Variants in SETD2 observed in about 807,000 individuals in gnomAD.
The protein encoded by SETD2 is histone-lysine N-methyltransferase SETD2.
A neutral mutation model predicts 242.1 loss-of-function variants in SETD2; 31 were observed. That is an observed-to-expected ratio of 0.13 (90% CI 0.10 to 0.17). The LOEUF (loss-of-function observed/expected upper bound fraction) is 0.17, where lower values mean the gene tolerates loss of function less well. SETD2 is among the 10% of genes least tolerant of loss of function. SETD2 has a pLI of 1.00. For missense variants in SETD2, 2,481 were observed against 3,046.3 expected (o/e 0.81, Z 4.37); for synonymous variants, 1,006 against 1,066.5 (o/e 0.94, Z 1.11).
rs1372945920 is a variant in SETD2, at chr3:47,122,532, C to T, written c.2104G>A (p.Val702Met). ...AAAGGGGATAATTCCGATCCAGTCA[C>T]ACTATCATCAGAAGTCATTAAAACA... ...DAVLMTSDDS[V>M]TGSELSPLVK... Residue 702 changes from valine (V) to methionine (M), a missense_variant, in exon 3 of 21, where the codon GTG (valine) becomes ATG (methionine). Transcript: ENST00000409792. 6.2e-7 allele frequency: 1 copy of T among 1,614,094 alleles called. No individual in the cohort carries two copies. Among genetic ancestry groups the T allele is most frequent in the Non-Finnish European group, 8.5e-7 (1 of 1,179,970 alleles).
Position 47,155,018 on chromosome 3 carries a change from C to A in SETD2, c.71+8836G>T, listed in dbSNP as rs1163279036. Among the ~76,000 whole-genome samples the A allele has an allele frequency of 2.6e-5, 4 of 151,910 alleles. No individual in the cohort carries two copies. The East Asian group carries it at 7.7e-4, about 29-fold the overall frequency. ...CAAAAAAAAAAAAATCTTAAACATA[C>A]TATCAGACCCTGTTATTGTTTTTAA... On this transcript the variant is annotated intron_variant, in intron 1 of 20. Coordinates refer to ENST00000409792, the MANE Select transcript of SETD2 (RefSeq NM_014159.7).
chr3:47,157,700 C>G, intron 1 of SETD2: 1 of 363,336 alleles, frequency 2.8e-6, no homozygotes, highest in Non-Finnish European at 5.4e-6. Context: ...ATGGAGAAAC[C>G]CCATCTCTAC....
intron 15 of SETD2, among the ~76,000 whole-genome samples, chr3:47,048,065 C>G (rs1170256045): frequency 6.6e-6 from 1 of 152,064 alleles, no homozygotes; most frequent in Non-Finnish European, 1.5e-5. Flanking sequence ...TGTATCTAAA[C>G]ATGGAAAAGT....
intron 15 of SETD2, among the ~76,000 whole-genome samples, chr3:47,048,186 G>A (rs905344449): frequency 6.6e-6 from 1 of 152,152 alleles, no homozygotes; most frequent in African/African-American, 2.4e-5. Context: ...TCAGGAGATC[G>A]AGACCATCCT....
Position 47,017,921 on chromosome 3 carries a change from C to T in SETD2, c.7432-182G>A, listed in dbSNP as rs578031963. ...GCCAGTAAGATCTGAGAAAAGGATA[C>T]GGGCTCAGCCTGAGAGGGAAAGAGC... is the stretch of plus-strand genomic sequence containing the variant. On this transcript the variant is annotated intron_variant, in intron 19 of 20. Coordinates refer to ENST00000409792, the MANE Select transcript of SETD2 (RefSeq NM_014159.7). The surrounding 1 kb of genome is among the most constrained non-coding windows in gnomAD (Gnocchi z 4.8). Among the ~76,000 whole-genome samples, 3 of 152,330 alleles carry T rather than the reference C, an allele frequency of 2.0e-5. No individual in the cohort carries two copies. The highest frequency in any genetic ancestry group is 6.5e-5 in the Admixed American group (1 of 15,300).
chr3:47,164,800 C>T (rs917494210), upstream of SETD2, among the ~76,000 whole-genome samples: 1 of 152,254 alleles, frequency 6.6e-6, no homozygotes, highest in African/African-American at 2.4e-5. This position sits in a 1 kb window ranked among gnomAD's most constrained non-coding sequence, Gnocchi z 5.4. Context: ...GGGCTCCTAC[C>T]TCCACCTCGG....
chr3:47,055,347 A>G (rs1299617212), intron 15 of SETD2, among the ~76,000 whole-genome samples: 1 of 152,218 alleles, frequency 6.6e-6, no homozygotes, highest in South Asian at 2.1e-4. Flanking sequence ...GGTAATGAGG[A>G]GTGCTGGGAG....
intron 18 of SETD2, among the ~76,000 whole-genome samples, chr3:47,036,038 CAT>C (rs1289543727): frequency 6.6e-6 from 1 of 152,174 alleles, no homozygotes; most frequent in Non-Finnish European, 1.5e-5. Flanking sequence ...ATGCCAAACA[CAT>C]GTGAAAAGAG....
intron 1 of SETD2, among the ~76,000 whole-genome samples, chr3:47,128,570 C>A (rs1235360442): frequency 6.6e-6 from 1 of 152,158 alleles, no homozygotes; most frequent in African/African-American, 2.4e-5. Context: ...GGTAGCCATA[C>A]AAAACCAAGT....
At chr3:47,056,495 G>A (rs62246406) in intron 15 of SETD2, among the ~76,000 whole-genome samples, 20,896 of 152,008 alleles carry the variant, frequency 0.14, 1,842 homozygotes, top group East Asian at 0.23. Flanking sequence ...AGAAATGGAG[G>A]CCTGCTAACA....
chr3:47,028,675 G>T (rs541461415), intron 18 of SETD2, among the ~76,000 whole-genome samples: 4 of 152,172 alleles, frequency 2.6e-5, no homozygotes, highest in Non-Finnish European at 4.4e-5. Flanking sequence ...GAAAATAGCA[G>T]GCAACTATTA....
At chr3:47,031,796 A>C (rs2038783150) in intron 18 of SETD2, among the ~76,000 whole-genome samples, 1 of 152,230 alleles carries the variant, frequency 6.6e-6, no homozygotes, top group South Asian at 2.1e-4. Context: ...ATAGCTATCA[A>C]AATTTTTCAT....
In SETD2 at chr3:47,127,599, C is replaced by T. The variant is rs771308331; in HGVS notation, c.72-936G>A. On this transcript the variant is annotated intron_variant, in intron 1 of 20. Transcript: ENST00000409792. The stretch of plus-strand genomic sequence containing the variant: ...TTTTTAGGCCAGGTGCGGTGGCTCA[C>T]GCCTGTAATCCCAGCACTTTGGGAG... The T allele has an allele frequency of 6.3e-5, 28 of 445,662 alleles. No homozygotes were observed. In the East Asian group the frequency reaches 1.6e-3, roughly 25 times the overall value. The allele number at this position is 445,662 out of a possible 1,614,324, so 27.6% of individuals were successfully genotyped here.
intron 4 of SETD2, among the ~76,000 whole-genome samples, chr3:47,114,309 A>AG (rs1375209214): frequency 1.3e-5 from 2 of 152,228 alleles, no homozygotes; most frequent in Admixed American, 1.3e-4. Context: ...GTAAGCTTTC[A>AG]GTACATTGAC....
chr3:47,160,863 A>T (rs1697469269), intron 1 of SETD2, among the ~76,000 whole-genome samples: 1 of 152,090 alleles, frequency 6.6e-6, no homozygotes, highest in South Asian at 2.1e-4. Flanking sequence ...CCCATAATGG[A>T]CACCCACTGC....
At chr3:47,071,024 C>A (rs2107609305) in intron 12 of SETD2, among the ~76,000 whole-genome samples, 1 of 152,280 alleles carries the variant, frequency 6.6e-6, no homozygotes, top group South Asian at 2.1e-4. Flanking sequence ...ATGTCCAGTG[C>A]AGTGGTGTGA....
chr3:47,073,419 T>C (rs775934494), intron 12 of SETD2, among the ~76,000 whole-genome samples: 28 of 152,136 alleles, frequency 1.8e-4, no homozygotes, highest in Non-Finnish European at 2.8e-4. Context: ...GATTATGACC[T>C]AGCAAGTCTG....
intron 8 of SETD2, among the ~76,000 whole-genome samples, chr3:47,101,056 T>G (rs2042192850): frequency 1.4e-5 from 2 of 148,060 alleles, no homozygotes; most frequent in South Asian, 4.4e-4. Context: ...ACCAATTATA[T>G]TTAAGAGTAC....
In SETD2 at chr3:47,120,351, C is replaced by T. The variant is rs776065001; in HGVS notation, c.4285G>A (p.Val1429Met). The part of the protein sequence containing the change: ...GELQDRKKVR[V>M]EVEQGETSVP... ...GATGTCTCTCCCTGCTCTACCTCCA[C>T]TCTAACTTTCTTTCTGTCCTGAAGC... The change falls in exon 3 of 21, where the codon GTG becomes ATG. Residue 1429 changes from valine to methionine, a missense_variant. Physicochemically the swap from Val to Met is conservative, Grantham distance 21 (BLOSUM62 1). Transcript: ENST00000409792. The T allele has an allele frequency of 2.5e-6, 4 of 1,613,278 alleles. No homozygotes were observed. The highest frequency in any genetic ancestry group is 3.4e-6 in the Non-Finnish European group (4 of 1,179,792).
Sources: allele counts gnomAD v4.1 joint callset (sites outside exome capture counted in the v4.1 genomes callset), GRCh38; gene constraint gnomAD v4.1.1; non-coding constraint Gnocchi (gnomAD v3.1); transcripts MANE v1.5; gene names NCBI Gene and HGNC (gene_info 2026-07-23, HGNC 2026-07-21).